NF1: variants seen among roughly 807,000 people sequenced by gnomAD.
NF1 encodes the protein neurofibromin 1.
In NF1, 122 loss-of-function variants were observed where a neutral mutation model predicts 325.7. That is an observed-to-expected ratio of 0.37 (90% CI 0.32 to 0.44). NF1 has a LOEUF of 0.44. NF1 is among the 20% of genes least tolerant of loss of function. The probability of loss-of-function intolerance (pLI) is 1.00; values close to 1 mark genes in which losing one functional copy is unlikely to be tolerated. For missense variants in NF1, 2,140 were observed against 3,415.4 expected, an observed-to-expected ratio of 0.63 and a Z score of 9.31; for synonymous variants, 1,091 against 1,186.0, an observed-to-expected ratio of 0.92 and a Z score of 1.65.
intron 53 of NF1, 78 bp from the exon 54 acceptor site, chr17:31,357,191 T>C: frequency 6.3e-7 from 1 of 1,592,412 alleles, no homozygotes; most frequent in Non-Finnish European, 8.6e-7. Flanking sequence ...GATACAGTCT[T>C]CTACTTCTCA....
chr17:31,130,306 C>A (rs940029758), intron 1 of NF1, among the ~76,000 whole-genome samples: 1 of 152,114 alleles, frequency 6.6e-6, no homozygotes, highest in Non-Finnish European at 1.5e-5. Context: ...TCCTGGACCT[C>A]TGGTCACAAT....
At chr17:31,320,450 G>A (rs777004415) in intron 36 of NF1, 3 of 1,608,818 alleles carry the variant, frequency 1.9e-6, no homozygotes, top group Admixed American at 3.4e-5. Flanking sequence ...CTGCTAGTCA[G>A]GCTTTTGAAC....
chr17:31,334,426 T>C (rs988241266), intron 39 of NF1, among the ~76,000 whole-genome samples: 2 of 152,184 alleles, frequency 1.3e-5, no homozygotes, highest in African/African-American at 4.8e-5. Context: ...CACACATAAA[T>C]GTACATTAAC....
At chr17:31,373,388 G>C (rs2070681954) in intron 57 of NF1, among the ~76,000 whole-genome samples, 1 of 152,220 alleles carries the variant, frequency 6.6e-6, no homozygotes. Flanking sequence ...AGGAGCACTA[G>C]TCTTCCCTGG....
rs886039548 is a variant in NF1, at chr17:31,156,127, G to A, written c.204+1G>A. ...TATTTTAAAGAATGTTAACAATATGGTGAGTATTTGGGTTACTGTGTTTTG... is the reference window on the plus strand; with the variant it reads ...TATTTTAAAGAATGTTAACAATATGATGAGTATTTGGGTTACTGTGTTTTG... On this transcript the variant is annotated splice_donor_variant, in intron 2 of 57. Coordinates refer to ENST00000358273, the MANE Select transcript of NF1 (RefSeq NM_001042492.3). LOFTEE classifies it high-confidence loss of function. 1 of 1,613,520 alleles carries A rather than the reference G, an allele frequency of 6.2e-7. No homozygotes were observed. Among genetic ancestry groups the A allele is most frequent in the Non-Finnish European group, 8.5e-7 (1 of 1,179,756 alleles).
chr17:31,205,120 G>A (rs954538253), intron 11 of NF1, among the ~76,000 whole-genome samples: 5 of 152,060 alleles, frequency 3.3e-5, no homozygotes, highest in African/African-American at 4.8e-5. Flanking sequence ...ACTATCCGGC[G>A]AACAGGATTT....
chr17:31,169,775 G>A (rs997360401), intron 4 of NF1, 116 bp from the exon 5 acceptor site: 5 of 693,532 alleles, frequency 7.2e-6, no homozygotes, highest in African/African-American at 7.1e-5. Flanking sequence ...TGAACTCCTG[G>A]CCTCAAGTGG....
chr17:31,102,680 A>C (rs1912455326), intron 1 of NF1, among the ~76,000 whole-genome samples: 1 of 151,362 alleles, frequency 6.6e-6, no homozygotes, highest in African/African-American at 2.4e-5. Flanking sequence ...GCATACAGTG[A>C]GCCATGATTG....
Position 31,340,594 on chromosome 17 carries a change from T to G in NF1, c.7011T>G (p.Leu2337=), listed in dbSNP as rs876659169. ...ACTTGTATTCAGCAGGTACCGCACT[T>G]CTTGAACAAAACCTGCATACTTTAG... ...EVNLYSAGTA[L]LEQNLHTLDS... is the part of the protein sequence containing the mutation. Residue 2337 remains leucine (L), a synonymous_variant, in exon 47 of 58, where the codon CTT becomes CTG. Coordinates refer to ENST00000358273, the MANE Select transcript of NF1 (RefSeq NM_001042492.3). 6.2e-7 allele frequency: 1 copy of G among 1,614,170 alleles called. No homozygotes were observed. The highest frequency in any genetic ancestry group is 8.5e-7 in the Non-Finnish European group (1 of 1,180,030).
intron 36 of NF1, among the ~76,000 whole-genome samples, chr17:31,267,526 A>G (rs1190510335): frequency 6.6e-6 from 1 of 152,152 alleles, no homozygotes; most frequent in East Asian, 1.9e-4. Context: ...ACAGATGAGT[A>G]CACAGTATAT....
Position 31,174,406 on chromosome 17 carries a change from A to T in NF1, c.586+4409A>T, listed in dbSNP as rs572183073. 2.5e-4 allele frequency among the ~76,000 whole-genome samples: 38 copies of T among 152,302 alleles called. No homozygotes were observed. The East Asian group carries it at 7.1e-3, about 29-fold the overall frequency. ...AACCCTAGTGAAAGGCAGCTTGGTA[A>T]TCTTTATCAAGGGCCCTAAAAATAT... On this transcript the variant is annotated intron_variant, in intron 5 of 57. Transcript: ENST00000358273.
At chr17:31,256,852 T>C (rs1302690163) in intron 31 of NF1, among the ~76,000 whole-genome samples, 1 of 152,218 alleles carries the variant, frequency 6.6e-6, no homozygotes, top group Non-Finnish European at 1.5e-5. Flanking sequence ...GAAAGCTTCC[T>C]GAACTATGTG....
chr17:31,358,832 CT>C (rs1273139994), intron 55 of NF1, 136 bp from the exon 56 acceptor site: 2 of 1,048,902 alleles, frequency 1.9e-6, no homozygotes, highest in African/African-American at 1.6e-5. Flanking sequence ...GTTTTAGTTG[CT>C]TTGACACTCA....
intron 36 of NF1, among the ~76,000 whole-genome samples, chr17:31,279,169 C>T (rs972977676): frequency 3.9e-5 from 6 of 152,060 alleles, no homozygotes; most frequent in Non-Finnish European, 5.9e-5. Flanking sequence ...ATCGCCTGAC[C>T]CCAGGAGTTC....
intron 49 of NF1, 124 bp downstream of exon 49, chr17:31,349,375 C>T: frequency 2.3e-6 from 2 of 882,632 alleles, no homozygotes; most frequent in East Asian, 2.7e-5. Flanking sequence ...ACAGTCTAGT[C>T]CTTTAGTGGT....
chr17:31,206,509 G>GT, intron 12 of NF1, 138 bp downstream of exon 12: 1 of 1,025,526 alleles, frequency 9.8e-7, no homozygotes, highest in Non-Finnish European at 1.5e-6. Context: ...GTGGTATGTT[G>GT]TATCTAGAAT....
At chr17:31,343,717 A>G (rs944453254) in intron 48 of NF1, among the ~76,000 whole-genome samples, 14 of 152,082 alleles carry the variant, frequency 9.2e-5, no homozygotes, top group African/African-American at 3.1e-4. Context: ...GCACTCTGGG[A>G]GGCCAAAGCA....
At chr17:31,223,688 C>A in intron 16 of NF1, 121 bp downstream of exon 16, 1 of 939,610 alleles carries the variant, frequency 1.1e-6, no homozygotes, top group Non-Finnish European at 1.7e-6. Context: ...TCCCAATGTT[C>A]TCAAAAGGAA....
At chr17:31,268,355 G>A (rs1171064418) in intron 36 of NF1, among the ~76,000 whole-genome samples, 2 of 151,918 alleles carry the variant, frequency 1.3e-5, no homozygotes, top group Non-Finnish European at 2.9e-5. Flanking sequence ...TTGGCTGGGC[G>A]CGGTGGCTCA....
Sources: gnomAD v4.1 joint callset for allele counts (sites outside exome capture counted in the v4.1 genomes callset) on GRCh38, gnomAD v4.1.1 for gene constraint, MANE v1.5 for transcripts, NCBI Gene and HGNC (gene_info 2026-07-23, HGNC 2026-07-21) for gene names.